Variants in GUCY1A1 observed in about 807,000 individuals in gnomAD.
The protein encoded by GUCY1A1 is guanylate cyclase 1 soluble subunit alpha 1, also known as guanylate cyclase soluble subunit alpha-1.
GUCY1A1 carries 48 observed loss-of-function variants against 64.5 expected under a neutral mutation model. The ratio of observed to expected loss-of-function variants is 0.74; its 90% CI spans 0.59 to 0.95. The LOEUF is 0.95. Among genes scored for constraint, GUCY1A1 ranks in the 40% least tolerant of loss-of-function variants. GUCY1A1 has a pLI of 0.00. For synonymous variants in GUCY1A1, 308 were observed against 303.4 expected (o/e 1.02, Z -0.16); for missense variants, 804 against 825.3 (o/e 0.97, Z 0.32).
rs1209367584 is a variant in GUCY1A1, at chr4:155,736,364, A to T, written c.*6133A>T. ...TTTGAGAAATGGATAAAAGACATAG[A>T]CTATCACCCCTCCAAAAATGTGCAT... On this transcript the variant is annotated 3_prime_UTR_variant, in exon 10 of 10. Coordinates refer to ENST00000506455, the MANE Select transcript of GUCY1A1 (RefSeq NM_001130682.3). 6.6e-6 allele frequency: 1 copy of T among 151,930 alleles called. No individual in the cohort carries two copies. The highest frequency in any genetic ancestry group is 1.5e-5 in the Non-Finnish European group (1 of 67,922). The allele number at this position is 151,930 out of a possible 1,614,324, so 9.4% of individuals were successfully genotyped here.
chr4:155,713,935 C>G (rs561041614), intron 7 of GUCY1A1, among the ~76,000 whole-genome samples: 2 of 151,990 alleles, frequency 1.3e-5, no homozygotes, highest in Non-Finnish European at 1.5e-5. Context: ...CTGTGGAAAC[C>G]GAGTTGAATT....
In GUCY1A1 at chr4:155,711,111, G is replaced by A; in HGVS notation, c.946G>A (p.Gly316Arg). The change falls in exon 6 of 10, where the codon GGA becomes AGA. Residue 316 changes from glycine to arginine, a missense_variant. Transcript: ENST00000506455. ...GCTGATGAACAGGAGAGACTTTCAA[G>A]GAAAGCCTAATTTTGAAGAATACTT... The part of the protein sequence containing the change: ...RRLMNRRDFQ[G>R]KPNFEEYFEI... 1 of 1,613,428 alleles carries A rather than the reference G, an allele frequency of 6.2e-7. No homozygotes were observed. The highest frequency in any genetic ancestry group is 8.5e-7 in the Non-Finnish European group (1 of 1,179,380).
intron 2 of GUCY1A1, among the ~76,000 whole-genome samples, chr4:155,689,226 T>A (rs1036567052): frequency 4.6e-5 from 7 of 152,002 alleles, no homozygotes; most frequent in African/African-American, 1.7e-4. Context: ...CATTTCATAA[T>A]CATTACTATA....
intron 8 of GUCY1A1, among the ~76,000 whole-genome samples, chr4:155,718,302 C>T (rs984438061): frequency 6.6e-6 from 1 of 152,096 alleles, no homozygotes; most frequent in Non-Finnish European, 1.5e-5. Flanking sequence ...TGGAGATTTA[C>T]CCTTAACTCT....
chr4:155,716,182 G>A (rs1733209432), intron 7 of GUCY1A1, among the ~76,000 whole-genome samples: 1 of 152,144 alleles, frequency 6.6e-6, no homozygotes, highest in African/African-American at 2.4e-5. Flanking sequence ...GAGATTAGGA[G>A]AAAGACAGGT....
At chr4:155,673,571 A>T (rs1734440927) in intron 2 of GUCY1A1, among the ~76,000 whole-genome samples, 1 of 151,420 alleles carries the variant, frequency 6.6e-6, no homozygotes, top group Admixed American at 6.6e-5. Context: ...GGCAAACAGT[A>T]GGAAGAGTAT....
intron 2 of GUCY1A1, among the ~76,000 whole-genome samples, chr4:155,673,633 G>C (rs1052690451): frequency 6.6e-6 from 1 of 151,322 alleles, no homozygotes; most frequent in South Asian, 2.1e-4. Context: ...TGTGTGTGTG[G>C]GTGTGCATGT....
chr4:155,716,180 G>C (rs979962351), intron 7 of GUCY1A1, among the ~76,000 whole-genome samples: 2 of 152,162 alleles, frequency 1.3e-5, no homozygotes, highest in African/African-American at 4.8e-5. Flanking sequence ...CAGAGATTAG[G>C]AGAAAGACAG....
In GUCY1A1 at chr4:155,736,186, C is replaced by T. The variant is rs1002370492; in HGVS notation, c.*5955C>T. ...TAGACTGATACATGCTGCTCTCAAT[C>T]CATATACTACATATTAGGACAGCTT... is the stretch of plus-strand genomic sequence containing the variant. On this transcript the variant is annotated 3_prime_UTR_variant, in exon 10 of 10. Transcript: ENST00000506455. 3 of 151,916 alleles carry T rather than the reference C, an allele frequency of 2.0e-5. No homozygotes were observed. The highest frequency in any genetic ancestry group is 7.2e-5 in the African/African-American group (3 of 41,394). 9.4% of individuals were successfully genotyped at this position (151,916 alleles called of 1,614,324 possible).
intron 8 of GUCY1A1, among the ~76,000 whole-genome samples, chr4:155,719,688 A>T (rs1338570608): frequency 6.6e-6 from 1 of 152,174 alleles, no homozygotes; most frequent in Admixed American, 6.5e-5. Context: ...CCATCCAGTC[A>T]GGCTTAGAAA....
intron 2 of GUCY1A1, among the ~76,000 whole-genome samples, chr4:155,669,068 T>C (rs1733765115): frequency 6.6e-6 from 1 of 152,160 alleles, no homozygotes; most frequent in Non-Finnish European, 1.5e-5. Context: ...GCTGTCTACA[T>C]ACAGCCTGCA....
chr4:155,727,401 C>T lies in GUCY1A1; in HGVS notation c.1872-2629C>T, dbSNP rs116149478. On this transcript the variant is annotated intron_variant, in intron 9 of 9. Transcript: ENST00000506455. ...TCAGAAGACATGCCTTAGAGTCCCA[C>T]AAACAGCACTTACCAGACGTGCAAT... Among the ~76,000 whole-genome samples the T allele has an allele frequency of 4.0e-3, 611 of 151,988 alleles. 5 individuals carry two copies. The highest frequency in any genetic ancestry group is 0.017 in the Middle Eastern group (5 of 294).
chr4:155,693,163 C>A (rs915200226), intron 2 of GUCY1A1, among the ~76,000 whole-genome samples: 3 of 152,080 alleles, frequency 2.0e-5, no homozygotes, highest in Non-Finnish European at 4.4e-5. Context: ...GTTATTAATA[C>A]TAGGCCAGTA....
At chr4:155,697,216 T>C (rs1380565298) in intron 3 of GUCY1A1, 94 bp downstream of exon 3, 1 of 859,638 alleles carries the variant, frequency 1.2e-6, no homozygotes, top group Admixed American at 2.2e-5. Flanking sequence ...CCTTTCTCAC[T>C]TTCAAGGCTA....
chr4:155,673,653 ATGTGTGTGTGTGT>A (rs1734455761), intron 2 of GUCY1A1, among the ~76,000 whole-genome samples: 1 of 150,940 alleles, frequency 6.6e-6, no homozygotes, highest in Non-Finnish European at 1.5e-5. Flanking sequence ...TGTGTGTTTG[ATGTGTGTGTGTGT>A]ACCCTGTGTG....
In GUCY1A1 at chr4:155,734,182, A is replaced by G. The variant is rs967728232; in HGVS notation, c.*3951A>G. Among the ~76,000 whole-genome samples, 3 of 151,934 alleles carry G rather than the reference A, an allele frequency of 2.0e-5. No homozygotes were observed. Among genetic ancestry groups the G allele is most frequent in the African/African-American group, 4.8e-5 (2 of 41,388 alleles). On this transcript the variant is annotated 3_prime_UTR_variant, in exon 10 of 10. Transcript: ENST00000506455. ...GTCTGTGGTAGGCCTAGCAAATGAA[A>G]GAGATGAATAAACAAGAGTGTCTAG...
chr4:155,730,445 T>C lies in GUCY1A1; in HGVS notation c.*214T>C. On this transcript the variant is annotated 3_prime_UTR_variant, in exon 10 of 10. Coordinates refer to ENST00000506455, the MANE Select transcript of GUCY1A1 (RefSeq NM_001130682.3). The stretch of plus-strand genomic sequence containing the variant: ...AAAAAAAAAAAAAACCTTAAAAAGC[T>C]ACTTTTGTGGGAGTATTTCTATTAT... 2 of 422,936 alleles carry C rather than the reference T, an allele frequency of 4.7e-6. No homozygotes were observed. 26.2% of individuals were successfully genotyped at this position (422,936 alleles called of 1,614,324 possible).
At chr4:155,683,388 T>G (rs1356435234) in intron 2 of GUCY1A1, among the ~76,000 whole-genome samples, 2 of 152,168 alleles carry the variant, frequency 1.3e-5, no homozygotes, top group African/African-American at 2.4e-5. Flanking sequence ...TAATAACAAT[T>G]TAGTTAGCCT....
rs767842041 is a variant in GUCY1A1 at position 155,713,310 on chromosome 4, G to A, written c.1299G>A (p.Lys433=). 6.2e-7 allele frequency: 1 copy of A among 1,614,180 alleles called. No individual in the cohort carries two copies. The change falls in exon 7 of 10, where the codon AAG becomes AAA. Residue 433 remains lysine, a synonymous_variant. Coordinates refer to ENST00000506455, the MANE Select transcript of GUCY1A1 (RefSeq NM_001130682.3). ...TGAAGAAGAGGCTGGGGAAGCTGAA[G>A]GCTACCCTTGAGCAAGCCCACCAAG... ...DGLKKRLGKL[K]ATLEQAHQAL... is the part of the protein sequence containing the mutation.
Sources: gnomAD v4.1 joint callset for allele counts (sites outside exome capture counted in the v4.1 genomes callset) on GRCh38, gnomAD v4.1.1 for gene constraint, MANE v1.5 for transcripts, NCBI Gene and HGNC (gene_info 2026-07-23, HGNC 2026-07-21) for gene names.